HACE1: variants seen among roughly 807,000 people sequenced by gnomAD.
The protein encoded by HACE1 is E3 ubiquitin-protein ligase HACE1.
A neutral mutation model predicts 118.4 loss-of-function variants in HACE1; 73 were observed. That is an observed-to-expected ratio of 0.62 (90% CI 0.51 to 0.75). HACE1 has a LOEUF of 0.75. Ranked by LOEUF, HACE1 falls within the 30% of genes least tolerant of loss-of-function variation. The probability of loss-of-function intolerance (pLI) is 0.00; values close to 1 mark genes in which losing one functional copy is unlikely to be tolerated. For synonymous variants in HACE1, 368 were observed against 374.8 expected (o/e 0.98, Z 0.21); for missense variants, 749 against 1,102.2 (o/e 0.68, Z 4.54).
chr6:104,831,331 T>A (rs1773847896), intron 6 of HACE1: 1 of 152,204 alleles, frequency 6.6e-6, no homozygotes, highest in Admixed American at 6.5e-5. Flanking sequence ...ACACCTGTAA[T>A]CCCAGCACTT....
At chr6:104,837,657 C>T (rs181817839) in intron 5 of HACE1, among the ~76,000 whole-genome samples, 1 of 152,282 alleles carries the variant, frequency 6.6e-6, no homozygotes, top group Non-Finnish European at 1.5e-5. Flanking sequence ...AGTTAAAAAA[C>T]TTTTGCTCTT....
intron 12 of HACE1, 40 bp downstream of exon 12, chr6:104,784,941 CATCT>C (rs778533402): frequency 8.5e-7 from 1 of 1,177,626 alleles, no homozygotes; most frequent in Non-Finnish European, 1.3e-6. Context: ...TGCTTTTCAT[CATCT>C]ATCAGAGAAA....
chr6:104,820,169 T>C (rs1488154349), intron 6 of HACE1, among the ~76,000 whole-genome samples: 1 of 132,950 alleles, frequency 7.5e-6, no homozygotes, highest in Non-Finnish European at 1.5e-5. Flanking sequence ...CACTCCAGCC[T>C]GGGCAACAGA....
chr6:104,830,784 G>A (rs1773785942), intron 6 of HACE1, among the ~76,000 whole-genome samples: 1 of 136,328 alleles, frequency 7.3e-6, no homozygotes, highest in African/African-American at 2.9e-5. Context: ...TTGAAGAGAC[G>A]AGGTGCAGTG....
intron 9 of HACE1, 35 bp from the exon 10 acceptor site, chr6:104,795,720 T>G (rs191776801): frequency 8.3e-7 from 1 of 1,208,038 alleles, no homozygotes; most frequent in Non-Finnish European, 1.2e-6. Flanking sequence ...TGTGATTACA[T>G]AGTAATCCAT....
chr6:104,831,952 A>G (rs1159071273), intron 6 of HACE1, among the ~76,000 whole-genome samples: 3 of 98,532 alleles, frequency 3.0e-5, no homozygotes, highest in African/African-American at 1.3e-4. Context: ...AGAGAAGAGA[A>G]GAGAAGAGAA....
intron 6 of HACE1, among the ~76,000 whole-genome samples, chr6:104,831,783 C>T (rs1007118795): frequency 2.0e-5 from 3 of 151,364 alleles, no homozygotes; most frequent in Middle Eastern, 6.8e-3. Context: ...GTCCCAGCCA[C>T]TCGGGAGGCT....
chr6:104,746,953 A>T (rs1446250690), intron 20 of HACE1, among the ~76,000 whole-genome samples: 1 of 152,182 alleles, frequency 6.6e-6, no homozygotes, highest in Non-Finnish European at 1.5e-5. Flanking sequence ...TCTCTCAAGA[A>T]ATTTGAAGCA....
At chr6:104,824,767 G>A (rs1773128965) in intron 6 of HACE1, 1 of 152,054 alleles carries the variant, frequency 6.6e-6, no homozygotes, top group African/African-American at 2.4e-5. Flanking sequence ...GAAAAAAAGT[G>A]ACAAACATTT....
intron 5 of HACE1, among the ~76,000 whole-genome samples, chr6:104,842,674 A>G (rs186522718): frequency 1.1e-4 from 17 of 152,324 alleles, no homozygotes; most frequent in Admixed American, 1.0e-3. Context: ...AAAGTCAGTG[A>G]CAAAGGCTAG....
At chr6:104,732,135 A>G (rs1294657029) in intron 22 of HACE1, 1 of 152,192 alleles carries the variant, frequency 6.6e-6, no homozygotes, top group East Asian at 1.9e-4. Flanking sequence ...CTCTGTGGAA[A>G]ACAGTATGCA....
chr6:104,763,370 T>C (rs1333580454), intron 19 of HACE1, among the ~76,000 whole-genome samples: 2 of 152,162 alleles, frequency 1.3e-5, no homozygotes, highest in Admixed American at 1.3e-4. Context: ...GTGTTTTAGA[T>C]TTTGGAATAT....
chr6:104,756,986 G>A (rs951555469), intron 19 of HACE1, among the ~76,000 whole-genome samples: 12 of 152,176 alleles, frequency 7.9e-5, no homozygotes, highest in Non-Finnish European at 1.3e-4. Flanking sequence ...GGACCTTGGC[G>A]GGGAGAGGGG....
At chr6:104,765,128 T>C (rs1194398212) in intron 19 of HACE1, among the ~76,000 whole-genome samples, 2 of 152,222 alleles carry the variant, frequency 1.3e-5, no homozygotes, top group Non-Finnish European at 2.9e-5. Context: ...TGAGGGAAAA[T>C]ACATGGCAAA....
In HACE1 at chr6:104,796,860, A is replaced by C. The variant is rs1769700750; in HGVS notation, c.714+69T>G. On this transcript the variant is annotated intron_variant, in intron 8 of 23. Transcript: ENST00000262903. ...TTGCACCTACCCTTTCATTGAAAAAATAATAATTTTTACCATTCCAGTTTC... is the reference window on the plus strand; with the variant it reads ...TTGCACCTACCCTTTCATTGAAAAACTAATAATTTTTACCATTCCAGTTTC... The C allele has an allele frequency of 7.8e-6, 9 of 1,150,542 alleles. No homozygotes were observed. The South Asian group carries it at 1.1e-4, about 14-fold the overall frequency. 71.3% of individuals were successfully genotyped at this position (1,150,542 alleles called of 1,614,324 possible). A position where few individuals can be genotyped will look rare whatever the true frequency, so the allele number is the denominator to read the frequency against.
chr6:104,826,176 T>C (rs2486148), intron 6 of HACE1, among the ~76,000 whole-genome samples: 151,952 of 152,340 alleles, frequency 1, 75,782 homozygotes, highest in Non-Finnish European at 1. Flanking sequence ...ATCCCCTCGA[T>C]TTCTGACTGT....
Position 104,729,625 on chromosome 6 carries a change from T to C in HACE1, c.*37A>G, listed in dbSNP as rs1409798371. 3.1e-6 allele frequency: 3 copies of C among 963,094 alleles called. No individual in the cohort carries two copies. The highest frequency in any genetic ancestry group is 2.4e-5 in the East Asian group (1 of 42,000). The allele number at this position is 963,094 out of a possible 1,614,324, so 59.7% of individuals were successfully genotyped here. On this transcript the variant is annotated 3_prime_UTR_variant, in exon 24 of 24. Transcript: ENST00000262903. ...CCCAAATTACTTCTGCCATTCTGAATTGTGCATCAGTAGTCAGAGGAGTTT... is the reference window on the plus strand; with the variant it reads ...CCCAAATTACTTCTGCCATTCTGAACTGTGCATCAGTAGTCAGAGGAGTTT...
At position 104,859,724 on chromosome 6, in the gene HACE1, G is replaced by T; in HGVS notation, c.-82C>A. The T allele has an allele frequency of 7.9e-7, 1 of 1,263,084 alleles. No homozygotes were observed. Among genetic ancestry groups the T allele is most frequent in the Non-Finnish European group, 1.1e-6 (1 of 914,270 alleles). The allele number at this position is 1,263,084 out of a possible 1,614,324, so 78.2% of individuals were successfully genotyped here. On this transcript the variant is annotated 5_prime_UTR_variant, in exon 1 of 24. Transcript: ENST00000262903. ...GCCCAGAGCCCTACATCTCGCCTGGGCCCGTCCAGCAGGCGGAGACGCGGG... is the reference window on the plus strand; with the variant it reads ...GCCCAGAGCCCTACATCTCGCCTGGTCCCGTCCAGCAGGCGGAGACGCGGG...
At chr6:104,825,074 T>A (rs1582658916) in intron 6 of HACE1, among the ~76,000 whole-genome samples, 2 of 78,134 alleles carry the variant, frequency 2.6e-5, no homozygotes, top group Non-Finnish European at 2.9e-5. Context: ...AGAGCAAGAC[T>A]CCGTCTCAAA....
Sources: gnomAD v4.1 joint callset for allele counts (sites outside exome capture counted in the v4.1 genomes callset) on GRCh38, gnomAD v4.1.1 for gene constraint, MANE v1.5 for transcripts, NCBI Gene and HGNC (gene_info 2026-07-23, HGNC 2026-07-21) for gene names.